ZNF423: variants seen among roughly 807,000 people sequenced by gnomAD.
ZNF423 encodes zinc finger protein 423, also known as Ebf-associated zinc finger protein.
ZNF423 carries 12 observed loss-of-function variants against 95.8 expected under a neutral mutation model. The ratio of observed to expected loss-of-function variants is 0.13; its 90% CI spans 0.08 to 0.20. The LOEUF is 0.20. Among genes scored for constraint, ZNF423 ranks in the 10% least tolerant of loss-of-function variants. The pLI, the probability that ZNF423 is intolerant of heterozygous loss-of-function variation, is 1.00. For synonymous variants in ZNF423, 749 were observed against 711.9 expected (o/e 1.05, Z -0.83); for missense variants, 1,316 against 1,737.1 (o/e 0.76, Z 4.31).
At chr16:49,596,563 T>C (rs1002834217) in intron 5 of ZNF423, among the ~76,000 whole-genome samples, 2 of 152,234 alleles carry the variant, frequency 1.3e-5, no homozygotes, top group African/African-American at 4.8e-5. Context: ...AGCAGGCGAT[T>C]TTTCTAGTCA....
rs573925890 is a variant in ZNF423 at position 49,641,671 on chromosome 16, A to G, written c.302-2797T>C. Among the ~76,000 whole-genome samples, 49 of 152,326 alleles carry G rather than the reference A, an allele frequency of 3.2e-4. 1 individual carries two copies. The South Asian group carries it at 9.5e-3, about 30-fold the overall frequency. ...TCCCAGCTCCTCTATGAATTCATCC[A>G]TGCCCTGAACATTCCTCTTAACCAC... is the stretch of plus-strand genomic sequence containing the variant. On this transcript the variant is annotated intron_variant, in intron 3 of 7. Coordinates refer to ENST00000563137, the MANE Select transcript of ZNF423 (RefSeq NM_001379286.1).
chr16:49,496,371 G>A (rs1967166525), intron 7 of ZNF423, among the ~76,000 whole-genome samples: 1 of 152,130 alleles, frequency 6.6e-6, no homozygotes, highest in Non-Finnish European at 1.5e-5. Flanking sequence ...TCATGGGAGA[G>A]GATCCCTCAC....
In ZNF423 at chr16:49,636,002, T is replaced by C; in HGVS notation, c.3174A>G (p.Ser1058=). 8 of 1,606,136 alleles carry C rather than the reference T, an allele frequency of 5.0e-6. No homozygotes were observed. The highest frequency in any genetic ancestry group is 6.8e-6 in the Non-Finnish European group (8 of 1,174,708). ...CCTGGCCATTGGGGGAGGACGCCGC[T>C]GAGCTGCCCGCCAGCTTCTGCATGT... ...TFHMQKLAGS[S]AASSPNGQGL... Residue 1058 remains serine (S), a synonymous_variant, in exon 4 of 8, where the codon TCA becomes TCG. Transcript: ENST00000563137. This position sits in a 1 kb window ranked among gnomAD's most constrained non-coding sequence, Gnocchi z 8.6.
At chr16:49,660,841 T>TG (rs373506257) in intron 3 of ZNF423, among the ~76,000 whole-genome samples, 2,454 of 138,244 alleles carry the variant, frequency 0.018, 31 homozygotes, top group Non-Finnish European at 0.029. Flanking sequence ...TGTGGGGGGA[T>TG]GGGGGGGGAG....
chr16:49,855,475 G>C lies in ZNF423; in HGVS notation c.40+260C>G, dbSNP rs2035352643. Among the ~76,000 whole-genome samples, 1 of 150,808 alleles carries C rather than the reference G, an allele frequency of 6.6e-6. No homozygotes were observed. Among genetic ancestry groups the C allele is most frequent in the African/African-American group, 2.4e-5 (1 of 41,002 alleles). ...TGGGTCCCCCAAGGGCGACGGCGCCGAGTCCGGGCAGGGAGGGTGTCCGCG... is the reference window on the plus strand; with the variant it reads ...TGGGTCCCCCAAGGGCGACGGCGCCCAGTCCGGGCAGGGAGGGTGTCCGCG... On this transcript the variant is annotated intron_variant, in intron 1 of 7. Transcript: ENST00000563137. This position sits in a 1 kb window ranked among gnomAD's most constrained non-coding sequence, Gnocchi z 4.7.
rs113375720 is a variant in ZNF423, at chr16:49,622,971, C to A, written c.3601+3199G>T. 1.1e-3 allele frequency among the ~76,000 whole-genome samples: 162 copies of A among 152,216 alleles called. 1 individual carries two copies. Among genetic ancestry groups the A allele is most frequent in the African/African-American group, 3.7e-3 (152 of 41,544 alleles). ...CTGTACTCCCGTCACCCACAGAGAC[C>A]GCTGCAACTCTCAACATGCCATAGG... On this transcript the variant is annotated intron_variant, in intron 5 of 7. Transcript: ENST00000563137.
chr16:49,549,267 G>T (rs1013501250), intron 5 of ZNF423, among the ~76,000 whole-genome samples: 1 of 152,182 alleles, frequency 6.6e-6, no homozygotes, highest in Non-Finnish European at 1.5e-5. Context: ...GACTGAGGGT[G>T]GGAACAGGCA....
chr16:49,538,121 C>A (rs1049404079), intron 5 of ZNF423, among the ~76,000 whole-genome samples: 1 of 152,230 alleles, frequency 6.6e-6, no homozygotes, highest in East Asian at 1.9e-4. Context: ...ACAGCCCCCA[C>A]CAGGAGAGGC....
At chr16:49,629,110 G>C (rs1406514388) in intron 4 of ZNF423, among the ~76,000 whole-genome samples, 1 of 152,164 alleles carries the variant, frequency 6.6e-6, no homozygotes, top group Non-Finnish European at 1.5e-5. Context: ...CCACCAGGTA[G>C]CTTAACCATC....
At chr16:49,845,148 T>C (rs925602633) in intron 1 of ZNF423, among the ~76,000 whole-genome samples, 2 of 151,976 alleles carry the variant, frequency 1.3e-5, no homozygotes, top group Non-Finnish European at 2.9e-5. Flanking sequence ...TGTTTGTTTG[T>C]TTTTGTTTTA....
At chr16:49,670,232 G>A (rs76116801) in intron 3 of ZNF423, among the ~76,000 whole-genome samples, 12,868 of 152,234 alleles carry the variant, frequency 0.085, 688 homozygotes, top group Middle Eastern at 0.16. Context: ...CACCTGGCTC[G>A]GCACCCAGCA....
At chr16:49,674,741 C>T (rs1468779262) in intron 3 of ZNF423, among the ~76,000 whole-genome samples, 1 of 152,184 alleles carries the variant, frequency 6.6e-6, no homozygotes, top group Non-Finnish European at 1.5e-5. Flanking sequence ...GCTCTGAGGC[C>T]TTGGAACAGA....
intron 2 of ZNF423, among the ~76,000 whole-genome samples, chr16:49,788,694 C>T (rs1014805970): frequency 6.6e-6 from 1 of 152,224 alleles, no homozygotes; most frequent in African/African-American, 2.4e-5. Context: ...GATCCCAGGG[C>T]AGGCCTGGCC....
Position 49,789,477 on chromosome 16 carries a change from G to T in ZNF423, c.100+10C>A, listed in dbSNP as rs374060172. Reference sequence around the variant, plus strand: ...CCCTGCAACTCTTCCACCAGCCCCCGGGCATTTACCTGCTGCTGTCACGGA... The same window carrying T: ...CCCTGCAACTCTTCCACCAGCCCCCTGGCATTTACCTGCTGCTGTCACGGA... On this transcript the variant is annotated intron_variant, in intron 2 of 7. Transcript: ENST00000563137. 6.2e-7 allele frequency: 1 copy of T among 1,611,092 alleles called. No homozygotes were observed.
intron 2 of ZNF423, among the ~76,000 whole-genome samples, chr16:49,772,677 T>C (rs1334019673): frequency 6.6e-6 from 1 of 152,218 alleles, no homozygotes; most frequent in South Asian, 2.1e-4. Flanking sequence ...GATACATCCA[T>C]GGAGAATGGT....
chr16:49,586,227 G>A (rs1315232344), intron 5 of ZNF423, among the ~76,000 whole-genome samples: 3 of 152,054 alleles, frequency 2.0e-5, no homozygotes, highest in African/African-American at 4.8e-5. Flanking sequence ...ACAGAGTAGC[G>A]TGGCGTGATA....
intron 3 of ZNF423, among the ~76,000 whole-genome samples, chr16:49,725,666 G>A (rs2032991821): frequency 6.6e-6 from 1 of 152,216 alleles, no homozygotes; most frequent in Admixed American, 6.5e-5. Context: ...GGCCAGCAGG[G>A]AGGGCTGCAG....
At chr16:49,816,403 T>C (rs780350330) in intron 1 of ZNF423, among the ~76,000 whole-genome samples, 3 of 152,144 alleles carry the variant, frequency 2.0e-5, no homozygotes, top group Non-Finnish European at 4.4e-5. Context: ...CTTTTCCCTA[T>C]AAAGCAATGT....
intron 5 of ZNF423, among the ~76,000 whole-genome samples, chr16:49,623,989 C>A (rs1596734602): frequency 6.6e-6 from 1 of 152,318 alleles, no homozygotes; most frequent in African/African-American, 2.4e-5. Flanking sequence ...TTGGAGCAAA[C>A]TCCAACTCTC....
Sources: gnomAD v4.1 joint callset for allele counts (sites outside exome capture counted in the v4.1 genomes callset) on GRCh38, gnomAD v4.1.1 for gene constraint, Gnocchi (gnomAD v3.1) non-coding constraint, MANE v1.5 for transcripts, NCBI Gene and HGNC (gene_info 2026-07-23, HGNC 2026-07-21) for gene names.